The following GSDME variants were observed in gnomAD, a reference collection of about 807,000 sequenced individuals.
The protein encoded by GSDME is gasdermin E.
Under a neutral mutation model 47.5 loss-of-function variants are expected in GSDME, and 44 were observed. The observed-to-expected ratio is 0.93, with a 90% confidence interval of 0.73 to 1.19. The LOEUF is 1.19. Ranked by LOEUF, GSDME falls within the 50% of genes most tolerant of loss-of-function variation. The pLI is 0.00. For synonymous variants in GSDME, 258 were observed against 252.8 expected, an observed-to-expected ratio of 1.02 and a Z score of -0.20; for missense variants, 663 against 604.2, an observed-to-expected ratio of 1.10 and a Z score of -1.02.
the GSDME span, among the ~76,000 whole-genome samples, chr7:24,795,120 G>C: frequency 6.6e-6 from 1 of 152,186 alleles, no homozygotes; most frequent in Non-Finnish European, 1.5e-5. Context: ...TCCAAGCGCC[G>C]ATTCCTTCCC....
chr7:24,772,894 C>T, the GSDME span, among the ~76,000 whole-genome samples: 4 of 152,278 alleles, frequency 2.6e-5, no homozygotes, highest in East Asian at 3.9e-4. This position sits in a 1 kb window ranked among gnomAD's most constrained non-coding sequence, Gnocchi z 4.5. Context: ...GAGACTTGAT[C>T]TTAATAGATA....
intron 1 of GSDME, among the ~76,000 whole-genome samples, chr7:24,751,790 T>G (rs1318494704): frequency 6.6e-6 from 1 of 152,228 alleles, no homozygotes; most frequent in African/African-American, 2.4e-5. Flanking sequence ...TCACTAATTT[T>G]TCTTGAGTAC....
rs1207698187 is a variant in GSDME at position 24,756,893 on chromosome 7, G to T, written c.-20+503C>A. ...TAGATACCGGAGCAAAGTGGAGGGG[G>T]ACTTTTTTCCGTCCAGAGAGACTGA... On this transcript the variant is annotated intron_variant, in intron 1 of 9. Transcript: ENST00000645220. The surrounding 1 kb of genome is among the most constrained non-coding windows in gnomAD (Gnocchi z 4.2). 6.6e-6 allele frequency among the ~76,000 whole-genome samples: 1 copy of T among 152,164 alleles called. No homozygotes were observed. The highest frequency in any genetic ancestry group is 1.5e-5 in the Non-Finnish European group (1 of 68,018).
intron 6 of GSDME, 25 bp from the exon 7 acceptor site, chr7:24,708,279 T>A (rs1391553408): frequency 1.2e-6 from 2 of 1,613,564 alleles, no homozygotes; most frequent in African/African-American, 1.3e-5. Context: ...CACACCCAAG[T>A]CTCATGACTG....
Position 24,744,984 on chromosome 7 carries a change from CGTGT to C in GSDME, c.212-234_212-231del, listed in dbSNP as rs3038357. ...GGGCACACAGTGGACCAGTGCAGCACGTGTGTGTGTGTGTGTGTGTGTGTGTGTG... is the reference window on the plus strand; with the variant it reads ...GGGCACACAGTGGACCAGTGCAGCACGTGTGTGTGTGTGTGTGTGTGTGTG... On this transcript the variant is annotated intron_variant, in intron 2 of 9. Coordinates refer to ENST00000645220, the MANE Select transcript of GSDME (RefSeq NM_001127453.2). The surrounding 1 kb of genome is among the most constrained non-coding windows in gnomAD (Gnocchi z 4.5). Among the ~76,000 whole-genome samples, 11,724 of 118,700 alleles carry C rather than the reference CGTGT, an allele frequency of 0.099. 548 individuals are homozygous for C. The highest frequency in any genetic ancestry group is 0.11 in the Non-Finnish European group (6,091 of 56,142). The allele number at this position is 118,700 out of a possible 152,430, so 77.9% of individuals were successfully genotyped here.
rs549799959 is a variant in GSDME at position 24,698,990 on chromosome 7, T to C, written c.*36A>G. 1.4e-6 allele frequency: 2 copies of C among 1,422,808 alleles called. No individual in the cohort carries two copies. The highest frequency in any genetic ancestry group is 4.6e-5 in the East Asian group (2 of 43,022). The allele number at this position is 1,422,808 out of a possible 1,614,324, so 88.1% of individuals were successfully genotyped here. On this transcript the variant is annotated 3_prime_UTR_variant, in exon 10 of 10. Coordinates refer to ENST00000645220, the MANE Select transcript of GSDME (RefSeq NM_001127453.2). ...CTTTAACAGTTCTGAAAAATAGCCT[T>C]GGCCAGTAACACGTACTTCTAGTTC... is the stretch of plus-strand genomic sequence containing the variant.
the GSDME span, among the ~76,000 whole-genome samples, chr7:24,795,220 GC>G: frequency 1.3e-5 from 2 of 152,180 alleles, no homozygotes; most frequent in Non-Finnish European, 2.9e-5. Context: ...CCAGCTGAAA[GC>G]ACTCTCAGGA....
At chr7:24,791,630 ATCT>A in the GSDME span, among the ~76,000 whole-genome samples, 3 of 152,210 alleles carry the variant, frequency 2.0e-5, no homozygotes, top group African/African-American at 7.2e-5. This position sits in a 1 kb window ranked among gnomAD's most constrained non-coding sequence, Gnocchi z 4.8. Context: ...AACCGGATCC[ATCT>A]TCTTCTATCA....
the GSDME span, among the ~76,000 whole-genome samples, chr7:24,781,078 A>T: frequency 6.6e-6 from 1 of 152,118 alleles, no homozygotes; most frequent in African/African-American, 2.4e-5. Flanking sequence ...GTACCATGAA[A>T]AGCGCATCTT....
Position 24,714,564 on chromosome 7 carries a change from A to G in GSDME, c.697+2690T>C, listed in dbSNP as rs1458281544. Among the ~76,000 whole-genome samples the G allele has an allele frequency of 1.3e-5, 2 of 152,192 alleles. No individual in the cohort carries two copies. The highest frequency in any genetic ancestry group is 2.9e-5 in the Non-Finnish European group (2 of 68,022). On this transcript the variant is annotated intron_variant, in intron 5 of 9. Coordinates refer to ENST00000645220, the MANE Select transcript of GSDME (RefSeq NM_001127453.2). The surrounding 1 kb of genome is among the most constrained non-coding windows in gnomAD (Gnocchi z 5.0). ...CTAGGCCAGGATCCAGAACGAGCCAAGGGAAGGCCGAGATATCCCCAGGGT... is the reference window on the plus strand; with the variant it reads ...CTAGGCCAGGATCCAGAACGAGCCAGGGGAAGGCCGAGATATCCCCAGGGT...
chr7:24,701,832 T>G (rs1474045298), intron 9 of GSDME, among the ~76,000 whole-genome samples: 3 of 152,230 alleles, frequency 2.0e-5, no homozygotes, highest in African/African-American at 7.2e-5. Flanking sequence ...GATCTGCTCC[T>G]TGGAATGATG....
rs1789795949 is a variant in GSDME, at chr7:24,721,741, T to C, written c.405-2523A>G. Among the ~76,000 whole-genome samples, 1 of 152,186 alleles carries C rather than the reference T, an allele frequency of 6.6e-6. No homozygotes were observed. Among genetic ancestry groups the C allele is most frequent in the African/African-American group, 2.4e-5 (1 of 41,442 alleles). The stretch of plus-strand genomic sequence containing the variant: ...GCACTGAATTGAATCAGAGGTACGT[T>C]TCCACATCACTCCCTTCTTAAAAGC... On this transcript the variant is annotated intron_variant, in intron 3 of 9. Coordinates refer to ENST00000645220, the MANE Select transcript of GSDME (RefSeq NM_001127453.2). The surrounding 1 kb of genome is among the most constrained non-coding windows in gnomAD (Gnocchi z 4.1).
rs1226170353 is a variant in GSDME at position 24,714,598 on chromosome 7, T to G, written c.697+2656A>C. 6.6e-6 allele frequency among the ~76,000 whole-genome samples: 1 copy of G among 152,112 alleles called. No homozygotes were observed. The highest frequency in any genetic ancestry group is 2.4e-5 in the African/African-American group (1 of 41,404). On this transcript the variant is annotated intron_variant, in intron 5 of 9. Coordinates refer to ENST00000645220, the MANE Select transcript of GSDME (RefSeq NM_001127453.2). The surrounding 1 kb of genome is among the most constrained non-coding windows in gnomAD (Gnocchi z 5.0). ...CGAGATATCCCCAGGGTACCTCTTC[T>G]CAGCAGCACAAAGAGGAGTTTATTT...
rs1166720807 is a variant in GSDME at position 24,754,565 on chromosome 7, G to A, written c.-20+2831C>T. ...CTGAAAGCAGATGAGAACTAAAAAG[G>A]CCAAAGCAAATGCAGTAAGGATATC... On this transcript the variant is annotated intron_variant, in intron 1 of 9. Coordinates refer to ENST00000645220, the MANE Select transcript of GSDME (RefSeq NM_001127453.2). This position sits in a 1 kb window ranked among gnomAD's most constrained non-coding sequence, Gnocchi z 5.0. Among the ~76,000 whole-genome samples the A allele has an allele frequency of 2.0e-5, 3 of 151,906 alleles. No individual in the cohort carries two copies. The highest frequency in any genetic ancestry group is 4.8e-5 in the African/African-American group (2 of 41,316).
Position 24,745,399 on chromosome 7 carries a change from A to G in GSDME, c.212-645T>C, listed in dbSNP as rs1318859635. ...CTGGCCCTTATTACCATCTCCAGTC[A>G]AATTATTCCCTTCCCATATTTATGA... On this transcript the variant is annotated intron_variant, in intron 2 of 9. Transcript: ENST00000645220. The surrounding 1 kb of genome is among the most constrained non-coding windows in gnomAD (Gnocchi z 4.4). 1.3e-5 allele frequency among the ~76,000 whole-genome samples: 2 copies of G among 152,104 alleles called. No individual in the cohort carries two copies. Among genetic ancestry groups the G allele is most frequent in the African/African-American group, 2.4e-5 (1 of 41,420 alleles).
In GSDME at chr7:24,735,760, AAAATAAAT is replaced by A. The variant is rs147090379; in HGVS notation, c.404+8794_404+8801del. On this transcript the variant is annotated intron_variant, in intron 3 of 9. Transcript: ENST00000645220. This position sits in a 1 kb window ranked among gnomAD's most constrained non-coding sequence, Gnocchi z 4.4. ...GTGACAACAGCAAAACTCTATCTCAAAAATAAATAAATAAATAAATAAATAAATAAATA... is the reference window on the plus strand; with the variant it reads ...GTGACAACAGCAAAACTCTATCTCAAAAATAAATAAATAAATAAATAAATA... 0.16 allele frequency among the ~76,000 whole-genome samples: 23,005 copies of A among 142,854 alleles called. 2,195 individuals are homozygous for A. The highest frequency in any genetic ancestry group is 0.26 in the African/African-American group (9,900 of 38,816). 93.7% of individuals were successfully genotyped at this position (142,854 alleles called of 152,430 possible). A position where few individuals can be genotyped will look rare whatever the true frequency, so the allele number is the denominator to read the frequency against.
intron 5 of GSDME, among the ~76,000 whole-genome samples, chr7:24,715,796 T>C (rs1789530962): frequency 6.6e-6 from 1 of 152,210 alleles, no homozygotes; most frequent in Non-Finnish European, 1.5e-5. Flanking sequence ...TCTTGGTCCC[T>C]GACAGACCTC....
chr7:24,710,309 G>A lies in GSDME; in HGVS notation c.777C>T (p.Val259=), dbSNP rs560130669. The part of the protein sequence containing the change: ...RIDSVYLDPL[V]FREFAFIDMP... ...TGTCTATGAATGCAAACTCTCGAAA[G>A]ACCAGGGGGTCCAGGTAGACAGAGT... The change falls in exon 6 of 10, where the codon GTC becomes GTT. Residue 259 remains valine, a synonymous_variant. Transcript: ENST00000645220. The A allele has an allele frequency of 1.2e-6, 2 of 1,614,226 alleles. No individual in the cohort carries two copies. The highest frequency in any genetic ancestry group is 3.3e-5 in the Admixed American group (2 of 60,032).
At chr7:24,704,334 G>A (rs952576293) in intron 8 of GSDME, 20 of 152,198 alleles carry the variant, frequency 1.3e-4, no homozygotes, top group Non-Finnish European at 2.2e-4. Context: ...CAGGAGACAG[G>A]TCACATGTGG....
Sources: gnomAD v4.1 joint callset for allele counts (sites outside exome capture counted in the v4.1 genomes callset) on GRCh38, gnomAD v4.1.1 for gene constraint, Gnocchi (gnomAD v3.1) non-coding constraint, MANE v1.5 for transcripts, NCBI Gene and HGNC (gene_info 2026-07-23, HGNC 2026-07-21) for gene names.